The following SGCZ variants were observed in gnomAD, a reference collection of about 807,000 sequenced individuals.
SGCZ encodes zeta-sarcoglycan.
Under a neutral mutation model 41.3 loss-of-function variants are expected in SGCZ, and 40 were observed. The ratio of observed to expected loss-of-function variants is 0.97; its 90% CI spans 0.75 to 1.26. The LOEUF (loss-of-function observed/expected upper bound fraction) is 1.26, where lower values mean the gene tolerates loss of function less well. Ranked by LOEUF, SGCZ falls within the 50% of genes most tolerant of loss-of-function variation. The probability of loss-of-function intolerance (pLI) is 0.00; values close to 1 mark genes in which losing one functional copy is unlikely to be tolerated. For synonymous variants in SGCZ, 206 were observed against 137.5 expected (o/e 1.50, Z -3.49); for missense variants, 552 against 369.8 (o/e 1.49, Z -4.04).
intron 1 of SGCZ, among the ~76,000 whole-genome samples, chr8:14,623,247 G>A (rs1293268404): frequency 6.6e-6 from 1 of 152,140 alleles, no homozygotes; most frequent in Non-Finnish European, 1.5e-5. Flanking sequence ...AATCAAGCTT[G>A]CAAAACAAAT....
intron 4 of SGCZ, among the ~76,000 whole-genome samples, chr8:14,188,908 T>A (rs1288269050): frequency 1.3e-5 from 2 of 150,910 alleles, no homozygotes; most frequent in African/African-American, 4.9e-5. Flanking sequence ...CTCGTCTCAT[T>A]GCAACCTCCA....
At chr8:15,100,182 T>A (rs1254050445) in intron 1 of SGCZ, among the ~76,000 whole-genome samples, 3 of 152,172 alleles carry the variant, frequency 2.0e-5, no homozygotes, top group Admixed American at 6.5e-5. Context: ...TCGGATGACT[T>A]GATTGTCTAT....
At chr8:14,213,605 A>AGG (rs985468689) in intron 4 of SGCZ, among the ~76,000 whole-genome samples, 1 of 152,056 alleles carries the variant, frequency 6.6e-6, no homozygotes, top group Non-Finnish European at 1.5e-5. Flanking sequence ...AATTTCATAA[A>AGG]GGAAAATAAA....
At chr8:15,132,876 C>T (rs528508336) in intron 1 of SGCZ, among the ~76,000 whole-genome samples, 7 of 152,274 alleles carry the variant, frequency 4.6e-5, no homozygotes, top group South Asian at 2.1e-4. Flanking sequence ...CACAGGAACC[C>T]ATGCCTGTAA....
intron 2 of SGCZ, among the ~76,000 whole-genome samples, chr8:14,401,639 A>G (rs1799079596): frequency 6.6e-6 from 1 of 151,722 alleles, no homozygotes; most frequent in African/African-American, 2.4e-5. Flanking sequence ...ATGGCTGCAT[A>G]GTATTCCATG....
chr8:14,219,716 C>A (rs1435510055), intron 4 of SGCZ, among the ~76,000 whole-genome samples: 2 of 151,618 alleles, frequency 1.3e-5, no homozygotes, highest in Non-Finnish European at 2.9e-5. Context: ...CACTGCACTC[C>A]AGCCTGGCGA....
chr8:15,149,434 G>T (rs973566234), intron 1 of SGCZ, among the ~76,000 whole-genome samples: 4 of 152,100 alleles, frequency 2.6e-5, no homozygotes, highest in African/African-American at 9.7e-5. Flanking sequence ...TACCAGTTCA[G>T]CAGTGGCAAG....
intron 3 of SGCZ, among the ~76,000 whole-genome samples, chr8:14,265,863 T>C (rs993231386): frequency 2.0e-5 from 3 of 151,198 alleles, no homozygotes; most frequent in African/African-American, 7.3e-5. Flanking sequence ...AGAGCATCAA[T>C]AGCAGAACTG....
chr8:14,249,701 G>T (rs1414282939), intron 3 of SGCZ, among the ~76,000 whole-genome samples: 1 of 152,058 alleles, frequency 6.6e-6, no homozygotes, highest in Non-Finnish European at 1.5e-5. Flanking sequence ...AAGATCTCTA[G>T]CAAGTCTTAC....
At chr8:14,871,753 G>C (rs974381814) in intron 1 of SGCZ, among the ~76,000 whole-genome samples, 2 of 151,772 alleles carry the variant, frequency 1.3e-5, no homozygotes, top group African/African-American at 4.8e-5. Flanking sequence ...GCAGTGAGCT[G>C]AGTTTGCACC....
At chr8:14,147,496 C>G (rs1480885419) in intron 5 of SGCZ, among the ~76,000 whole-genome samples, 1 of 152,088 alleles carries the variant, frequency 6.6e-6, no homozygotes, top group African/African-American at 2.4e-5. Flanking sequence ...ACAAAGGTAT[C>G]GATTCAGCAA....
At chr8:14,722,487 T>A (rs1283494983) in intron 1 of SGCZ, among the ~76,000 whole-genome samples, 1 of 152,104 alleles carries the variant, frequency 6.6e-6, no homozygotes, top group Non-Finnish European at 1.5e-5. Context: ...GGAATTTTCT[T>A]AATATGTTGA....
Position 14,502,276 on chromosome 8 carries a change from T to G in SGCZ, c.234+52456A>C, listed in dbSNP as rs371713991. Among the ~76,000 whole-genome samples, 11 of 152,246 alleles carry G rather than the reference T, an allele frequency of 7.2e-5. No homozygotes were observed. The East Asian group carries it at 2.1e-3, about 29-fold the overall frequency. ...ATTTTACTTACTCTCGAGACTAAGA[T>G]TCTACTGATCTTAGATCAATAAAAA... On this transcript the variant is annotated intron_variant, in intron 2 of 7. Transcript: ENST00000382080.
chr8:15,034,228 A>G (rs1163348420), intron 1 of SGCZ, among the ~76,000 whole-genome samples: 1 of 152,158 alleles, frequency 6.6e-6, no homozygotes, highest in African/African-American at 2.4e-5. Context: ...AAATAAGGGA[A>G]ATAATAAGTG....
At chr8:14,946,098 C>G (rs1800438495) in intron 1 of SGCZ, among the ~76,000 whole-genome samples, 1 of 136,580 alleles carries the variant, frequency 7.3e-6, no homozygotes, top group African/African-American at 2.7e-5. Flanking sequence ...TAGGGGCTAT[C>G]TCTCTCAAGA....
chr8:14,971,487 T>C (rs1585424223), intron 1 of SGCZ, among the ~76,000 whole-genome samples: 1 of 151,942 alleles, frequency 6.6e-6, no homozygotes, highest in Non-Finnish European at 1.5e-5. Context: ...GGAAAGAGGG[T>C]AGGATTTTGT....
At chr8:14,263,955 G>A (rs564232042) in intron 3 of SGCZ, among the ~76,000 whole-genome samples, 1 of 152,308 alleles carries the variant, frequency 6.6e-6, no homozygotes, top group East Asian at 1.9e-4. Flanking sequence ...GCCCAGTATT[G>A]GGCAGAATCC....
intron 3 of SGCZ, among the ~76,000 whole-genome samples, chr8:14,315,915 A>C (rs908483739): frequency 6.6e-6 from 1 of 151,934 alleles, no homozygotes; most frequent in Non-Finnish European, 1.5e-5. Context: ...AAACACAAAA[A>C]GGCAACATTA....
At chr8:14,867,132 C>T (rs1006070220) in intron 1 of SGCZ, among the ~76,000 whole-genome samples, 31 of 152,106 alleles carry the variant, frequency 2.0e-4, no homozygotes, top group African/African-American at 4.3e-4. Flanking sequence ...CTTTCTCCTT[C>T]GCTCATTCTT....
Sources: gnomAD v4.1 joint callset for allele counts (sites outside exome capture counted in the v4.1 genomes callset) on GRCh38, gnomAD v4.1.1 for gene constraint, MANE v1.5 for transcripts, NCBI Gene and HGNC (gene_info 2026-07-23, HGNC 2026-07-21) for gene names.